Variants in CDH13 observed in about 807,000 individuals in gnomAD.
CDH13 encodes the protein cadherin 13.
A neutral mutation model predicts 63.8 loss-of-function variants in CDH13; 24 were observed. That is an observed-to-expected ratio of 0.38 (90% CI 0.27 to 0.53). The LOEUF (loss-of-function observed/expected upper bound fraction) is 0.53. Among genes scored for constraint, CDH13 ranks in the 20% least tolerant of loss-of-function variants. The pLI, the probability that CDH13 is intolerant of heterozygous loss-of-function variation, is 0.85. For synonymous variants in CDH13, 503 were observed against 355.3 expected (o/e 1.42, Z -4.67); for missense variants, 1,049 against 903.1 (o/e 1.16, Z -2.07).
At chr16:83,347,391 T>C (rs1251726563) in intron 6 of CDH13, among the ~76,000 whole-genome samples, 1 of 152,028 alleles carries the variant, frequency 6.6e-6, no homozygotes, top group Non-Finnish European at 1.5e-5. Flanking sequence ...GGTTGGGGGC[T>C]GACTCTGGAA....
intron 4 of CDH13, among the ~76,000 whole-genome samples, chr16:83,133,449 A>G (rs1407008842): frequency 1.3e-5 from 2 of 151,946 alleles, no homozygotes; most frequent in Non-Finnish European, 1.5e-5. Context: ...ACGTATTTTT[A>G]TCAGATGGTG....
At chr16:82,872,716 A>G (rs2040385059) in intron 2 of CDH13, among the ~76,000 whole-genome samples, 1 of 152,220 alleles carries the variant, frequency 6.6e-6, no homozygotes, top group Non-Finnish European at 1.5e-5. Context: ...AAATATCCCC[A>G]AGGACTTCTG....
At chr16:83,027,421 C>G (rs968413735) in intron 2 of CDH13, among the ~76,000 whole-genome samples, 1 of 152,050 alleles carries the variant, frequency 6.6e-6, no homozygotes, top group Non-Finnish European at 1.5e-5. Flanking sequence ...CAAGAGTTAA[C>G]AGGGTGAAGA....
At chr16:82,684,113 G>C (rs1014895503) in intron 1 of CDH13, among the ~76,000 whole-genome samples, 2 of 152,234 alleles carry the variant, frequency 1.3e-5, no homozygotes, top group African/African-American at 4.8e-5. Flanking sequence ...CAGACAGGGA[G>C]TTAGAGGTTC....
intron 3 of CDH13, among the ~76,000 whole-genome samples, chr16:83,123,962 T>C (rs185096545): frequency 1.3e-5 from 2 of 152,336 alleles, no homozygotes; most frequent in East Asian, 3.9e-4. Flanking sequence ...ATTAGTGATA[T>C]TGAGCATTTT....
chr16:83,017,075 T>C (rs972129343), intron 2 of CDH13, among the ~76,000 whole-genome samples: 1 of 152,210 alleles, frequency 6.6e-6, no homozygotes, highest in East Asian at 1.9e-4. Flanking sequence ...AATTTCAAAC[T>C]TATGTTTCCC....
At chr16:83,203,414 T>C (rs570782871) in intron 4 of CDH13, among the ~76,000 whole-genome samples, 28 of 151,250 alleles carry the variant, frequency 1.9e-4, no homozygotes, top group East Asian at 4.0e-4. Context: ...AGGCCAGGTG[T>C]GGTGGCTCAC....
chr16:83,455,579 T>A (rs776305287), intron 6 of CDH13, among the ~76,000 whole-genome samples: 2 of 152,206 alleles, frequency 1.3e-5, no homozygotes, highest in Non-Finnish European at 2.9e-5. Flanking sequence ...GGCTCCTTCT[T>A]GTGCTCTTCT....
At chr16:82,790,739 C>G (rs144590347) in intron 1 of CDH13, among the ~76,000 whole-genome samples, 1 of 152,120 alleles carries the variant, frequency 6.6e-6, no homozygotes, top group African/African-American at 2.4e-5. Flanking sequence ...TGATTGTTTA[C>G]CAGGCAGCAG....
chr16:82,781,039 G>A (rs758069726), intron 1 of CDH13, among the ~76,000 whole-genome samples: 12 of 152,286 alleles, frequency 7.9e-5, no homozygotes, highest in Non-Finnish European at 1.6e-4. Context: ...AAAGGCAGTG[G>A]GATTTAGGCT....
intron 7 of CDH13, among the ~76,000 whole-genome samples, chr16:83,530,956 C>T (rs1005458269): frequency 1.3e-5 from 2 of 152,300 alleles, no homozygotes; most frequent in East Asian, 3.9e-4. Context: ...TTGTGACTTT[C>T]GCTGGGTCCT....
At chr16:83,399,974 C>G (rs900707318) in intron 6 of CDH13, among the ~76,000 whole-genome samples, 4 of 152,146 alleles carry the variant, frequency 2.6e-5, no homozygotes, top group African/African-American at 9.7e-5. Context: ...CTATGTGTTG[C>G]AAAAGTTAAC....
intron 4 of CDH13, among the ~76,000 whole-genome samples, chr16:83,212,993 A>G (rs932230106): frequency 1.3e-5 from 2 of 152,192 alleles, no homozygotes; most frequent in African/African-American, 4.8e-5. Context: ...TGGGAACACC[A>G]TTCTTGGCTG....
intron 4 of CDH13, among the ~76,000 whole-genome samples, chr16:83,213,057 A>G (rs1263545598): frequency 6.6e-6 from 1 of 152,192 alleles, no homozygotes; most frequent in Non-Finnish European, 1.5e-5. Context: ...CAGGTTCAGC[A>G]GCCACATCCT....
chr16:83,761,711 A>G (rs1245914998), intron 11 of CDH13, among the ~76,000 whole-genome samples: 2 of 152,204 alleles, frequency 1.3e-5, no homozygotes, highest in East Asian at 3.8e-4. Flanking sequence ...TTTAGGCGGA[A>G]CTTAGCATAT....
chr16:83,217,386 C>A lies in CDH13; in HGVS notation c.525C>A (p.Leu175=), dbSNP rs772859858. The part of the protein sequence containing the change: ...SDRPERSKFR[L]TGKGVDQEPK... ...GGCCAGAAAGGTCCAAGTTCCGGCT[C>A]ACTGGAAAGGGAGTGGATCAAGAGC... is the stretch of plus-strand genomic sequence containing the variant. Residue 175 remains leucine (L), a synonymous_variant, in exon 5 of 14, where the codon CTC becomes CTA. Coordinates refer to ENST00000567109, the MANE Select transcript of CDH13 (RefSeq NM_001257.5). 3 of 1,613,874 alleles carry A rather than the reference C, an allele frequency of 1.9e-6. No individual in the cohort carries two copies. The highest frequency in any genetic ancestry group is 2.2e-5 in the South Asian group (2 of 91,082).
intron 1 of CDH13, among the ~76,000 whole-genome samples, chr16:82,699,863 A>G (rs1325540109): frequency 6.6e-6 from 1 of 152,248 alleles, no homozygotes; most frequent in Non-Finnish European, 1.5e-5. Context: ...AATACAGCTT[A>G]TGAAGGTCCA....
intron 7 of CDH13, among the ~76,000 whole-genome samples, chr16:83,569,076 T>A (rs1001270609): frequency 6.6e-6 from 1 of 152,040 alleles, no homozygotes; most frequent in Non-Finnish European, 1.5e-5. Flanking sequence ...CTCCTTTCCC[T>A]CCTTCTGAAC....
rs1314579775 is a variant in CDH13, at chr16:82,860,390, G to GC, written c.157+1917_157+1918insC. Among the ~76,000 whole-genome samples, 5 of 77,114 alleles carry GC rather than the reference G, an allele frequency of 6.5e-5. 1 individual carries two copies. Among genetic ancestry groups the GC allele is most frequent in the Non-Finnish European group, 1.3e-4 (5 of 37,282 alleles). 50.6% of individuals were successfully genotyped at this position (77,114 alleles called of 152,430 possible). Reference sequence around the variant, plus strand: ...TATCACAGTTGTGTGTGTGTGTGTGGGGGGGGGGGCGGCGGTGTGCGTGTG... The same window carrying GC: ...TATCACAGTTGTGTGTGTGTGTGTGGCGGGGGGGGGCGGCGGTGTGCGTGTG... On this transcript the variant is annotated intron_variant, in intron 2 of 13. Transcript: ENST00000567109.
Sources: allele counts gnomAD v4.1 joint callset (sites outside exome capture counted in the v4.1 genomes callset), GRCh38; gene constraint gnomAD v4.1.1; transcripts MANE v1.5; gene names NCBI Gene and HGNC (gene_info 2026-07-23, HGNC 2026-07-21).